Variants in SUMF1 observed in about 807,000 individuals in gnomAD.
The protein encoded by SUMF1 is sulfatase modifying factor 1.
Under a neutral mutation model 47.6 loss-of-function variants are expected in SUMF1, and 48 were observed. The observed-to-expected ratio is 1.01, with a 90% CI of 0.80 to 1.28. SUMF1 has a LOEUF of 1.28. Ranked by LOEUF, SUMF1 falls within the 50% of genes most tolerant of loss-of-function variation. The pLI is 0.00. For missense variants in SUMF1, 571 were observed against 485.4 expected, an observed-to-expected ratio of 1.18 and a Z score of -1.66; for synonymous variants, 230 against 192.1, an observed-to-expected ratio of 1.20 and a Z score of -1.63.
chr3:4,293,829 C>T (rs974867476), intron 8 of SUMF1, among the ~76,000 whole-genome samples: 1 of 152,200 alleles, frequency 6.6e-6, no homozygotes, highest in Non-Finnish European at 1.5e-5. Flanking sequence ...ATATAAATCA[C>T]TATACTTTCC....
chr3:4,451,191 A>G (rs1278178126), intron 2 of SUMF1, among the ~76,000 whole-genome samples: 1 of 152,242 alleles, frequency 6.6e-6, no homozygotes, highest in Non-Finnish European at 1.5e-5. Context: ...CTTCATTAAT[A>G]TATTAAATAA....
chr3:4,119,468 G>C (rs548194213), intron 8 of SUMF1, among the ~76,000 whole-genome samples: 76 of 152,204 alleles, frequency 5.0e-4, no homozygotes, highest in Admixed American at 8.5e-4. Flanking sequence ...CACTGGTCCT[G>C]AATGCCTCAG....
chr3:4,283,302 A>C (rs1357658377), intron 8 of SUMF1, among the ~76,000 whole-genome samples: 1 of 152,194 alleles, frequency 6.6e-6, no homozygotes, highest in African/African-American at 2.4e-5. Flanking sequence ...GTATCATTTC[A>C]TCCTTTTATT....
chr3:4,413,508 A>G (rs942878863), intron 6 of SUMF1, among the ~76,000 whole-genome samples: 1 of 152,116 alleles, frequency 6.6e-6, no homozygotes, highest in Non-Finnish European at 1.5e-5. Context: ...TATGCCACTA[A>G]GGAAAATAAA....
At chr3:4,412,900 CA>C (rs1345990481) in intron 6 of SUMF1, among the ~76,000 whole-genome samples, 1 of 152,018 alleles carries the variant, frequency 6.6e-6, no homozygotes, top group Non-Finnish European at 1.5e-5. Context: ...AACAAACAAA[CA>C]AAAACAGATG....
At chr3:4,241,909 A>G (rs374504685) in intron 8 of SUMF1, among the ~76,000 whole-genome samples, 4 of 152,316 alleles carry the variant, frequency 2.6e-5, no homozygotes, top group African/African-American at 7.2e-5. Context: ...TGACATTTAC[A>G]TAACACACAG....
intron 8 of SUMF1, among the ~76,000 whole-genome samples, chr3:4,189,131 T>C (rs1695262675): frequency 6.6e-6 from 1 of 152,138 alleles, no homozygotes; most frequent in East Asian, 1.9e-4. Flanking sequence ...GTCCAAAATA[T>C]TAATCCACCA....
At chr3:4,315,827 A>T (rs1698615029) in intron 8 of SUMF1, among the ~76,000 whole-genome samples, 1 of 152,068 alleles carries the variant, frequency 6.6e-6, no homozygotes, top group African/African-American at 2.4e-5. Context: ...CAGGCAGAAC[A>T]CTTGAGCTTG....
intron 8 of SUMF1, among the ~76,000 whole-genome samples, chr3:4,121,090 C>T (rs528727338): frequency 5.9e-5 from 9 of 152,224 alleles, no homozygotes; most frequent in South Asian, 2.1e-4. Context: ...ACAGCAACAA[C>T]GCTGTGACCC....
At chr3:4,374,090 T>C (rs1476700665) in intron 8 of SUMF1, among the ~76,000 whole-genome samples, 1 of 152,178 alleles carries the variant, frequency 6.6e-6, no homozygotes, top group Non-Finnish European at 1.5e-5. Context: ...TATCCAATTT[T>C]GAAAAACTGA....
At chr3:4,432,683 T>C (rs1575214950) in intron 3 of SUMF1, among the ~76,000 whole-genome samples, 1 of 152,360 alleles carries the variant, frequency 6.6e-6, no homozygotes, top group East Asian at 1.9e-4. Context: ...AATCATTTTC[T>C]ATCCATTATT....
chr3:4,415,354 T>G lies in SUMF1; in HGVS notation c.840+1774A>C, dbSNP rs1277089557. 2.0e-5 allele frequency among the ~76,000 whole-genome samples: 3 copies of G among 152,112 alleles called. No individual in the cohort carries two copies. The East Asian group carries it at 5.8e-4, about 29-fold the overall frequency. On this transcript the variant is annotated intron_variant, in intron 6 of 8. Transcript: ENST00000272902. ...AGCTCATTTCAAATGAGCATATGATTATGCCAACAAAAGAATGGTGAGAAA... is the reference window on the plus strand; with the variant it reads ...AGCTCATTTCAAATGAGCATATGATGATGCCAACAAAAGAATGGTGAGAAA...
At chr3:4,460,638 G>A (rs2079789659) in intron 1 of SUMF1, among the ~76,000 whole-genome samples, 2 of 147,656 alleles carry the variant, frequency 1.4e-5, no homozygotes. Flanking sequence ...GTGTGTGTGT[G>A]TATATATATA....
At chr3:4,063,755 T>C (rs1440678388) in intron 9 of SUMF1, among the ~76,000 whole-genome samples, 1 of 152,180 alleles carries the variant, frequency 6.6e-6, no homozygotes, top group African/African-American at 2.4e-5. Flanking sequence ...TTACATGTAT[T>C]ATATTACTCA....
chr3:4,456,739 T>TATAC, intron 1 of SUMF1, among the ~76,000 whole-genome samples: 1 of 94,538 alleles, frequency 1.1e-5, no homozygotes, highest in Non-Finnish European at 2.2e-5. Flanking sequence ...TGTGTATATA[T>TATAC]ACACACATAT....
At chr3:4,356,450 G>T (rs1699620006), downstream of SUMF1, among the ~76,000 whole-genome samples, 1 of 151,680 alleles carries the variant, frequency 6.6e-6, no homozygotes, top group African/African-American at 2.4e-5. Context: ...ACAGAGGACA[G>T]GAGTCTCATA....
At chr3:4,417,745 T>A (rs1464017771) in intron 5 of SUMF1, among the ~76,000 whole-genome samples, 2 of 152,146 alleles carry the variant, frequency 1.3e-5, no homozygotes, top group African/African-American at 4.8e-5. Flanking sequence ...TTCTAAGCAG[T>A]GATATGTAAC....
intron 8 of SUMF1, among the ~76,000 whole-genome samples, chr3:4,091,012 C>T (rs1228812921): frequency 4.0e-5 from 6 of 151,276 alleles, no homozygotes; most frequent in Non-Finnish European, 8.8e-5. Flanking sequence ...ACCAGAGAGG[C>T]GGAGGTTGCA....
intron 1 of SUMF1, among the ~76,000 whole-genome samples, chr3:4,463,653 G>C (rs1347172770): frequency 1.3e-5 from 2 of 152,228 alleles, no homozygotes; most frequent in African/African-American, 2.4e-5. Context: ...GCATTCGATT[G>C]TGCCTCATTG....
Sources: allele counts gnomAD v4.1 joint callset (sites outside exome capture counted in the v4.1 genomes callset), GRCh38; gene constraint gnomAD v4.1.1; transcripts MANE v1.5; gene names NCBI Gene and HGNC (gene_info 2026-07-23, HGNC 2026-07-21).